C11orf86: variants seen among roughly 807,000 people sequenced by gnomAD.
C11orf86 encodes chromosome 11 open reading frame 86, also known as uncharacterized protein C11orf86.
C11orf86 carries 13 observed loss-of-function variants against 11.1 expected under a neutral mutation model. The ratio of observed to expected loss-of-function variants is 1.17; its 90% CI spans 0.76 to 1.86. The LOEUF is 1.86. C11orf86 is among the 40% of genes most tolerant of loss of function. C11orf86 has a pLI of 0.00. For missense variants in C11orf86, 144 were observed against 146.5 expected (o/e 0.98, Z 0.09); for synonymous variants, 86 against 64.7 (o/e 1.33, Z -1.58).
rs200669310 is a variant in C11orf86 at position 66,976,204 on chromosome 11, G to A, written c.304G>A (p.Val102Ile). ...QQVRRRWESF[V>I]AIFPSVTLSQ... Reference sequence around the variant, plus strand: ...GGTAAGAAGAAGGTGGGAGAGCTTTGTCGCCATCTTCCCCAGCGTGACTCT... The same window carrying A: ...GGTAAGAAGAAGGTGGGAGAGCTTTATCGCCATCTTCCCCAGCGTGACTCT... The change falls in exon 2 of 2, where the codon GTC (valine) becomes ATC (isoleucine). Residue 102 changes from valine to isoleucine, a missense_variant. Transcript: ENST00000683896. The A allele has an allele frequency of 9.0e-4, 1,402 of 1,551,420 alleles. No individual in the cohort carries two copies. The highest frequency in any genetic ancestry group is 1.1e-3 in the Non-Finnish European group (1,269 of 1,146,984).
chr11:66,975,399 C>T lies in C11orf86; in HGVS notation c.37C>T (p.Pro13Ser), dbSNP rs753094451. 1.2e-5 allele frequency: 18 copies of T among 1,550,642 alleles called. No individual in the cohort carries two copies. The African/African-American group carries it at 2.3e-4, about 20-fold the overall frequency. Residue 13 changes from proline (P) to serine (S), a missense_variant, in exon 1 of 2, where the codon CCC becomes TCC. By Grantham distance (74) the Pro-to-Ser change is moderately conservative (BLOSUM62 -1). Coordinates refer to ENST00000683896, the MANE Select transcript of C11orf86 (RefSeq NM_001353554.2). ...GCTGCGAAGTCAGTCCTTGCGAGAGCCCCGACCCTCCTATGGAAAGCTGCA... is the reference window on the plus strand; with the variant it reads ...GCTGCGAAGTCAGTCCTTGCGAGAGTCCCGACCCTCCTATGGAAAGCTGCA... ...TGLRSQSLRE[P>S]RPSYGKLQEP... is the part of the protein sequence containing the mutation.
At chr11:66,975,796 G>A (rs966652061) in intron 1 of C11orf86, among the ~76,000 whole-genome samples, 158 bp downstream of exon 1, 3 of 152,286 alleles carry the variant, frequency 2.0e-5, no homozygotes, top group South Asian at 4.1e-4. Context: ...CCAGAGCCAC[G>A]TTTCAGAGGG....
At chr11:66,975,765 G>T (rs1191640826) in intron 1 of C11orf86, 127 bp downstream of exon 1, 4 of 1,371,784 alleles carry the variant, frequency 2.9e-6, no homozygotes, top group Admixed American at 2.8e-5. Flanking sequence ...GCCTGGAGAT[G>T]AGGGTGCAGA....
intron 1 of C11orf86, 50 bp downstream of exon 1, chr11:66,975,688 A>T (rs1487253068): frequency 2.2e-5 from 34 of 1,525,412 alleles, no homozygotes; most frequent in Non-Finnish European, 2.8e-5. Flanking sequence ...GTGGGCAGGG[A>T]TTCCAGGGCA....
chr11:66,975,639 G>A lies in C11orf86; in HGVS notation c.276+1G>A, dbSNP rs1469397737. On this transcript the variant is annotated splice_donor_variant, in intron 1 of 1. Coordinates refer to ENST00000683896, the MANE Select transcript of C11orf86 (RefSeq NM_001353554.2). LOFTEE classifies it high-confidence loss of function. Reference sequence around the variant, plus strand: ...GTGGTGGCTGAGGCGGTACCAACAGGTATGGCTGTGGGCTGAAGGATGGAG... The same window carrying A: ...GTGGTGGCTGAGGCGGTACCAACAGATATGGCTGTGGGCTGAAGGATGGAG... 8.4e-6 allele frequency: 13 copies of A among 1,549,650 alleles called. No homozygotes were observed. Among genetic ancestry groups the A allele is most frequent in the Non-Finnish European group, 1.1e-5 (13 of 1,146,484 alleles).
At position 66,975,642 on chromosome 11, in the gene C11orf86, T is replaced by C. The variant is rs1949783592; in HGVS notation, c.276+4T>C. Reference sequence around the variant, plus strand: ...GTGGCTGAGGCGGTACCAACAGGTATGGCTGTGGGCTGAAGGATGGAGGGT... The same window carrying C: ...GTGGCTGAGGCGGTACCAACAGGTACGGCTGTGGGCTGAAGGATGGAGGGT... On this transcript the variant is annotated splice_donor_region_variant and intron_variant, in intron 1 of 1. Transcript: ENST00000683896. The C allele has an allele frequency of 6.5e-7, 1 of 1,549,542 alleles. No individual in the cohort carries two copies. Among genetic ancestry groups the C allele is most frequent in the Non-Finnish European group, 8.7e-7 (1 of 1,146,448 alleles).
In C11orf86 at chr11:66,975,401, C is replaced by T. The variant is rs763406450; in HGVS notation, c.39C>T (p.Pro13=). Reference sequence around the variant, plus strand: ...TGCGAAGTCAGTCCTTGCGAGAGCCCCGACCCTCCTATGGAAAGCTGCAGG... The same window carrying T: ...TGCGAAGTCAGTCCTTGCGAGAGCCTCGACCCTCCTATGGAAAGCTGCAGG... ...TGLRSQSLRE[P]RPSYGKLQEP... The change falls in exon 1 of 2, where the codon CCC becomes CCT. Residue 13 remains proline (P), a synonymous_variant. Transcript: ENST00000683896. The T allele has an allele frequency of 6.4e-7, 1 of 1,550,784 alleles. No individual in the cohort carries two copies. The highest frequency in any genetic ancestry group is 1.2e-5 in the South Asian group (1 of 84,046).
At chr11:66,975,848 C>G (rs2136181101) in intron 1 of C11orf86, among the ~76,000 whole-genome samples, 1 of 152,226 alleles carries the variant, frequency 6.6e-6, no homozygotes. Context: ...CACTGGGGAG[C>G]CACTGAAGGT....
rs947958194 is a variant in C11orf86, at chr11:66,976,512, T to C, written c.*261T>C. On this transcript the variant is annotated 3_prime_UTR_variant, in exon 2 of 2. Coordinates refer to ENST00000683896, the MANE Select transcript of C11orf86 (RefSeq NM_001353554.2). Reference sequence around the variant, plus strand: ...AAGAAGGGGGCTCAGCTGTCTGCCCTCTGGGCTTGGGTAGGGGCCTTGGAC... The same window carrying C: ...AAGAAGGGGGCTCAGCTGTCTGCCCCCTGGGCTTGGGTAGGGGCCTTGGAC... 6 of 534,404 alleles carry C rather than the reference T, an allele frequency of 1.1e-5. No individual in the cohort carries two copies. The African/African-American group carries it at 1.1e-4, about 10-fold the overall frequency. 33.1% of individuals were successfully genotyped at this position (534,404 alleles called of 1,614,324 possible).
rs763306839 is a variant in C11orf86 at position 66,975,563 on chromosome 11, G to A, written c.201G>A (p.Gly67=). ...PDATAQERVP[G]SLGDTEQLIQ... is the part of the protein sequence containing the mutation. Reference sequence around the variant, plus strand: ...CCACTGCCCAGGAGCGGGTGCCGGGGAGCCTGGGGGACACAGAGCAGCTGA... The same window carrying A: ...CCACTGCCCAGGAGCGGGTGCCGGGAAGCCTGGGGGACACAGAGCAGCTGA... The change falls in exon 1 of 2, where the codon GGG becomes GGA. Residue 67 remains glycine (G), a synonymous_variant. Transcript: ENST00000683896. The A allele has an allele frequency of 9.0e-6, 14 of 1,551,470 alleles. No homozygotes were observed. The South Asian group carries it at 1.4e-4, about 16-fold the overall frequency.
In C11orf86 at chr11:66,975,545, C is replaced by A. The variant is rs776328191; in HGVS notation, c.183C>A (p.Ala61=). 1.2e-5 allele frequency: 18 copies of A among 1,551,406 alleles called. No homozygotes were observed. In the South Asian group the frequency reaches 1.9e-4, roughly 16 times the overall value. ...GCACAGAAGGGCCAGATGCCACTGC[C>A]CAGGAGCGGGTGCCGGGGAGCCTGG... ...ERGTEGPDAT[A]QERVPGSLGD... The change falls in exon 1 of 2, where the codon GCC becomes GCA. Residue 61 remains alanine (A), a synonymous_variant. Transcript: ENST00000683896.
rs570214699 is a variant in C11orf86 at position 66,975,330 on chromosome 11, C to T, written c.-33C>T. 259 of 1,527,342 alleles carry T rather than the reference C, an allele frequency of 1.7e-4. No homozygotes were observed. In the African/African-American group the frequency reaches 2.7e-3, roughly 16 times the overall value. 94.6% of individuals were successfully genotyped at this position (1,527,342 alleles called of 1,614,324 possible). On this transcript the variant is annotated 5_prime_UTR_variant, in exon 1 of 2. Coordinates refer to ENST00000683896, the MANE Select transcript of C11orf86 (RefSeq NM_001353554.2). ...GAGGGCCAGTGTCTTGCTGAGGGGC[C>T]GGAGCAGTCCTGTGCCTGCAGCCTC...
chr11:66,975,614 G>A lies in C11orf86; in HGVS notation c.252G>A (p.Arg84=), dbSNP rs1437426200. The change falls in exon 1 of 2, where the codon CGG becomes CGA. Residue 84 remains arginine, a synonymous_variant. Coordinates refer to ENST00000683896, the MANE Select transcript of C11orf86 (RefSeq NM_001353554.2). ...QLIQAQRRGS[R]WWLRRYQQQV... is the part of the protein sequence containing the mutation. The stretch of plus-strand genomic sequence containing the variant: ...TCCAAGCCCAGCGAAGAGGCAGCCG[G>A]TGGTGGCTGAGGCGGTACCAACAGG... 1.3e-6 allele frequency: 2 copies of A among 1,551,220 alleles called. No individual in the cohort carries two copies. The highest frequency in any genetic ancestry group is 2.0e-5 in the Admixed American group (1 of 50,948).
chr11:66,976,410 G>A lies in C11orf86; in HGVS notation c.*159G>A, dbSNP rs989603212. On this transcript the variant is annotated 3_prime_UTR_variant, in exon 2 of 2. Transcript: ENST00000683896. The stretch of plus-strand genomic sequence containing the variant: ...CTTCTGCCACCAGCTCACTGGAGTC[G>A]CCACGTGGCTGCCACTCTTAGCTCT... 2.4e-5 allele frequency: 16 copies of A among 674,948 alleles called. No homozygotes were observed. The highest frequency in any genetic ancestry group is 3.6e-5 in the Non-Finnish European group (14 of 390,546). 41.8% of individuals were successfully genotyped at this position (674,948 alleles called of 1,614,324 possible).
intron 1 of C11orf86, 65 bp from the exon 2 acceptor site, chr11:66,976,112 A>G (rs1949786334): frequency 6.8e-7 from 1 of 1,464,550 alleles, no homozygotes; most frequent in Non-Finnish European, 9.4e-7. Flanking sequence ...CCTCGTGGCT[A>G]TGGGTGGAAC....
At position 66,976,267 on chromosome 11, in the gene C11orf86, A is replaced by G. The variant is rs749870341; in HGVS notation, c.*16A>G. 5 of 1,550,398 alleles carry G rather than the reference A, an allele frequency of 3.2e-6. No individual in the cohort carries two copies. The South Asian group carries it at 5.9e-5, about 18-fold the overall frequency. On this transcript the variant is annotated 3_prime_UTR_variant, in exon 2 of 2. Coordinates refer to ENST00000683896, the MANE Select transcript of C11orf86 (RefSeq NM_001353554.2). ...CTCCCCGTAGCCCACACTGGGCACC[A>G]TCAGCTAAAGATGCTGGAAGCCATC...
At position 66,975,403 on chromosome 11, in the gene C11orf86, G is replaced by C. The variant is rs764298165; in HGVS notation, c.41G>C (p.Arg14Pro). Residue 14 changes from arginine to proline, a missense_variant, in exon 1 of 2, where the codon CGA becomes CCA. Coordinates refer to ENST00000683896, the MANE Select transcript of C11orf86 (RefSeq NM_001353554.2). ...CGAAGTCAGTCCTTGCGAGAGCCCC[G>C]ACCCTCCTATGGAAAGCTGCAGGAG... Reference protein sequence around the residue: ...GLRSQSLREPRPSYGKLQEPW... With the variant: ...GLRSQSLREPPPSYGKLQEPW... The C allele has an allele frequency of 8.4e-6, 13 of 1,550,668 alleles. No homozygotes were observed. The highest frequency in any genetic ancestry group is 1.0e-5 in the Non-Finnish European group (12 of 1,146,846).
At position 66,976,372 on chromosome 11, in the gene C11orf86, T is replaced by C; in HGVS notation, c.*121T>C. 8.7e-7 allele frequency: 1 copy of C among 1,145,864 alleles called. No individual in the cohort carries two copies. The highest frequency in any genetic ancestry group is 1.2e-6 in the Non-Finnish European group (1 of 802,100). The allele number at this position is 1,145,864 out of a possible 1,614,324, so 71.0% of individuals were successfully genotyped here. A position where few individuals can be genotyped will look rare whatever the true frequency, so the allele number is the denominator to read the frequency against. ...CACAGCTCTCTGGACTTTGGCTGGG[T>C]GGCCCTAGGAGGCTTCTGCCACCAG... On this transcript the variant is annotated 3_prime_UTR_variant, in exon 2 of 2. Coordinates refer to ENST00000683896, the MANE Select transcript of C11orf86 (RefSeq NM_001353554.2).
rs890216098 is a variant in C11orf86 at position 66,975,393 on chromosome 11, C to T, written c.31C>T (p.Arg11Ter). Reference protein sequence around the residue: MGTGLRSQSLREPRPSYGKLQ... With the variant: MGTGLRSQSL Reference sequence around the variant, plus strand: ...AACAGGGCTGCGAAGTCAGTCCTTGCGAGAGCCCCGACCCTCCTATGGAAA... The same window carrying T: ...AACAGGGCTGCGAAGTCAGTCCTTGTGAGAGCCCCGACCCTCCTATGGAAA... Residue 11 changes from arginine (R) to a stop codon, truncating the protein, a stop_gained, in exon 1 of 2, where the codon CGA becomes TGA. Transcript: ENST00000683896. LOFTEE classifies it high-confidence loss of function. 7.1e-6 allele frequency: 11 copies of T among 1,550,454 alleles called. No homozygotes were observed. Among genetic ancestry groups the T allele is most frequent in the Admixed American group, 5.9e-5 (3 of 50,852 alleles).
Sources: allele counts gnomAD v4.1 joint callset (sites outside exome capture counted in the v4.1 genomes callset), GRCh38; gene constraint gnomAD v4.1.1; transcripts MANE v1.5; gene names NCBI Gene and HGNC (gene_info 2026-07-23, HGNC 2026-07-21).